The following TRDN variants were observed in gnomAD, a reference collection of about 807,000 sequenced individuals.
TRDN encodes the protein triadin in skeletal muscle.
TRDN carries 161 observed loss-of-function variants against 149.7 expected under a neutral mutation model. The observed-to-expected ratio is 1.08, with a 90% CI of 0.95 to 1.23. The LOEUF is 1.23. Ranked by LOEUF, TRDN falls within the 50% of genes most tolerant of loss-of-function variation. The pLI is 0.00. For synonymous variants in TRDN, 294 were observed against 250.5 expected (o/e 1.17, Z -1.64); for missense variants, 896 against 823.5 (o/e 1.09, Z -1.08).
chr6:123,317,349 TA>T (rs1779064739), intron 23 of TRDN, among the ~76,000 whole-genome samples: 1 of 151,956 alleles, frequency 6.6e-6, no homozygotes, highest in Admixed American at 6.6e-5. Flanking sequence ...ATAGTTGGAA[TA>T]CCTACTGAGC....
At chr6:123,241,582 A>G (rs1775991362) in intron 38 of TRDN, among the ~76,000 whole-genome samples, 1 of 152,018 alleles carries the variant, frequency 6.6e-6, no homozygotes, top group South Asian at 2.1e-4. Flanking sequence ...TCAGAATATT[A>G]AAAGTTAGAA....
chr6:123,358,349 A>G (rs540889537), intron 20 of TRDN, among the ~76,000 whole-genome samples: 1 of 152,196 alleles, frequency 6.6e-6, no homozygotes, highest in Admixed American at 6.5e-5. Flanking sequence ...TTATTTCACT[A>G]TTCTTCCCTA....
chr6:123,586,406 GT>G (rs1412289953), intron 1 of TRDN, among the ~76,000 whole-genome samples: 1 of 152,088 alleles, frequency 6.6e-6, no homozygotes, highest in Non-Finnish European at 1.5e-5. Flanking sequence ...GATGCTTGGG[GT>G]TGGGACTGAG....
rs997966518 is a variant in TRDN, at chr6:123,216,534, T to C, written c.*2067A>G. The C allele has an allele frequency of 3.3e-5, 5 of 151,868 alleles. No individual in the cohort carries two copies. The highest frequency in any genetic ancestry group is 6.6e-5 in the Admixed American group (1 of 15,200). The allele number at this position is 151,868 out of a possible 1,614,324, so 9.4% of individuals were successfully genotyped here. The stretch of plus-strand genomic sequence containing the variant: ...ATCGTTTTATCTTATCAAATAGTTT[T>C]TATATTGAGAGTGAAAGAAACAGTA... On this transcript the variant is annotated 3_prime_UTR_variant, in exon 41 of 41. Coordinates refer to ENST00000334268, the MANE Select transcript of TRDN (RefSeq NM_006073.4).
At chr6:123,247,499 A>G (rs1776225287) in intron 38 of TRDN, among the ~76,000 whole-genome samples, 1 of 152,218 alleles carries the variant, frequency 6.6e-6, no homozygotes, top group South Asian at 2.1e-4. Flanking sequence ...CCCATTCACA[A>G]TTGCTACAAA....
chr6:123,308,607 C>T (rs1244489788), intron 24 of TRDN, among the ~76,000 whole-genome samples: 1 of 151,974 alleles, frequency 6.6e-6, no homozygotes, highest in Non-Finnish European at 1.5e-5. Context: ...TCCCAAATTA[C>T]AAGTGTCTAT....
At chr6:123,495,252 C>T (rs951755459) in intron 9 of TRDN, among the ~76,000 whole-genome samples, 2 of 151,922 alleles carry the variant, frequency 1.3e-5, no homozygotes, top group African/African-American at 4.8e-5. Flanking sequence ...GTTGCAGTGG[C>T]TCATGCCTGT....
intron 24 of TRDN, among the ~76,000 whole-genome samples, chr6:123,303,698 G>C (rs1778509393): frequency 6.6e-6 from 1 of 152,150 alleles, no homozygotes; most frequent in Non-Finnish European, 1.5e-5. Context: ...GGCTTCTGGT[G>C]ATGGTTGTGG....
rs71649806 is a variant in TRDN at position 123,304,252 on chromosome 6, C to CTTTTT, written c.1510+12200_1510+12204dup. Among the ~76,000 whole-genome samples, 17 of 128,956 alleles carry CTTTTT rather than the reference C, an allele frequency of 1.3e-4. 1 individual carries two copies. The highest frequency in any genetic ancestry group is 1.7e-4 in the African/African-American group (6 of 35,156). The allele number at this position is 128,956 out of a possible 152,430, so 84.6% of individuals were successfully genotyped here. A position where few individuals can be genotyped will look rare whatever the true frequency, so the allele number is the denominator to read the frequency against. On this transcript the variant is annotated intron_variant, in intron 24 of 40. Coordinates refer to ENST00000334268, the MANE Select transcript of TRDN (RefSeq NM_006073.4). ...ATGAATATTAATTTTCTTTTATTTTCTTTTTTTTTTTTTTTTTTTGAGACG... is the reference window on the plus strand; with the variant it reads ...ATGAATATTAATTTTCTTTTATTTTCTTTTTTTTTTTTTTTTTTTTTTTTGAGACG...
At chr6:123,360,832 C>A (rs1780873879) in intron 20 of TRDN, among the ~76,000 whole-genome samples, 1 of 151,646 alleles carries the variant, frequency 6.6e-6, no homozygotes, top group Admixed American at 6.6e-5. Context: ...ATGCCAGTAA[C>A]AAGAAAGAGG....
intron 1 of TRDN, among the ~76,000 whole-genome samples, chr6:123,623,192 T>C (rs940597748): frequency 6.6e-6 from 1 of 152,020 alleles, no homozygotes; most frequent in African/African-American, 2.4e-5. Flanking sequence ...CCCTTTCTAT[T>C]ATAGAATTAT....
At chr6:123,425,216 C>T (rs1306795591) in intron 12 of TRDN, among the ~76,000 whole-genome samples, 1 of 146,838 alleles carries the variant, frequency 6.8e-6, no homozygotes, top group African/African-American at 2.5e-5. Context: ...AGCATAGAGC[C>T]ACATTCAGAG....
intron 10 of TRDN, among the ~76,000 whole-genome samples, chr6:123,453,245 G>T (rs1034265075): frequency 1.3e-5 from 2 of 152,022 alleles, no homozygotes; most frequent in Non-Finnish European, 2.9e-5. Flanking sequence ...TAAAAACAAA[G>T]ATAAATAGCT....
chr6:123,351,099 T>C (rs1780446809), intron 21 of TRDN: 16 of 985,048 alleles, frequency 1.6e-5, no homozygotes, highest in Non-Finnish European at 1.8e-5. Context: ...AAACAACCTA[T>C]GAATATCATG....
intron 37 of TRDN, among the ~76,000 whole-genome samples, chr6:123,253,551 T>A (rs530031900): frequency 1.3e-5 from 2 of 152,272 alleles, no homozygotes; most frequent in East Asian, 3.9e-4. Context: ...TATTATTTTT[T>A]TCTTTAAAAA....
At chr6:123,579,886 C>T (rs1245077942) in intron 1 of TRDN, among the ~76,000 whole-genome samples, 2 of 148,378 alleles carry the variant, frequency 1.3e-5, no homozygotes, top group East Asian at 1.9e-4. Context: ...CAGCACTTCT[C>T]CTTCTTGCTA....
chr6:123,258,827 G>A (rs895469951), intron 35 of TRDN, among the ~76,000 whole-genome samples: 1 of 152,066 alleles, frequency 6.6e-6, no homozygotes, highest in Non-Finnish European at 1.5e-5. Flanking sequence ...CTTGTTATTG[G>A]TCTAGTCAGG....
chr6:123,230,762 T>C (rs918100474), intron 38 of TRDN, among the ~76,000 whole-genome samples: 1 of 151,992 alleles, frequency 6.6e-6, no homozygotes, highest in Non-Finnish European at 1.5e-5. Flanking sequence ...GTTATAAAAG[T>C]AAAATCATAA....
chr6:123,285,207 G>C (rs979426701), intron 24 of TRDN, among the ~76,000 whole-genome samples: 1 of 151,844 alleles, frequency 6.6e-6, no homozygotes, highest in African/African-American at 2.4e-5. Context: ...AATTCATATG[G>C]AACCAGAAAA....
Sources: gnomAD v4.1 joint callset for allele counts (sites outside exome capture counted in the v4.1 genomes callset) on GRCh38, gnomAD v4.1.1 for gene constraint, MANE v1.5 for transcripts, NCBI Gene and HGNC (gene_info 2026-07-23, HGNC 2026-07-21) for gene names.